Variants in LGI4 observed in about 807,000 individuals in gnomAD.
The protein encoded by LGI4 is leucine rich repeat LGI family member 4.
A neutral mutation model predicts 48.3 loss-of-function variants in LGI4; 36 were observed. The ratio of observed to expected loss-of-function variants is 0.75; its 90% CI spans 0.57 to 0.98. The LOEUF is 0.98. Ranked by LOEUF, LGI4 falls within the 50% of genes least tolerant of loss-of-function variation. The pLI is 0.00. For missense variants in LGI4, 701 were observed against 732.1 expected, an observed-to-expected ratio of 0.96 and a Z score of 0.49; for synonymous variants, 355 against 331.6, an observed-to-expected ratio of 1.07 and a Z score of -0.77.
intron 6 of LGI4, among the ~76,000 whole-genome samples, chr19:35,127,369 T>C (rs2065147589): frequency 1.3e-5 from 2 of 152,096 alleles, no homozygotes; most frequent in South Asian, 4.2e-4. Context: ...TTTGCAGAGA[T>C]GGAGTCTTGC....
chr19:35,128,443 T>C (rs1174897721), intron 6 of LGI4, among the ~76,000 whole-genome samples: 1 of 152,204 alleles, frequency 6.6e-6, no homozygotes, highest in Non-Finnish European at 1.5e-5. Context: ...GAGTGGTGGC[T>C]CACGCCTGTA....
At chr19:35,125,929 C>G in intron 8 of LGI4, 1 of 526,982 alleles carries the variant, frequency 1.9e-6, no homozygotes, top group East Asian at 3.8e-5. Flanking sequence ...GCCTGCACCT[C>G]ACTCCAGAAA....
chr19:35,132,130 G>C, intron 3 of LGI4, 88 bp from the exon 4 acceptor site: 1 of 1,099,332 alleles, frequency 9.1e-7, no homozygotes, highest in Non-Finnish European at 1.4e-6. Flanking sequence ...GGAAGGTGCT[G>C]AATTCTCTTC....
At position 35,131,800 on chromosome 19, in the gene LGI4, G is replaced by A. The variant is rs761896827; in HGVS notation, c.447C>T (p.Thr149=). The change falls in exon 5 of 9, where the codon ACC becomes ACT. Residue 149 remains threonine, a synonymous_variant. Coordinates refer to ENST00000310123, the MANE Select transcript of LGI4 (RefSeq NM_139284.3). ...CCCATGAGCCTCACACATGAGTAAGGGTGTCCAGGCCTCGGAACAGGAATC... is the reference window on the plus strand; with the variant it reads ...CCCATGAGCCTCACACATGAGTAAGAGTGTCCAGGCCTCGGAACAGGAATC... The part of the protein sequence containing the change: ...LPRFLFRGLD[T]LTHVDLRGNP... The A allele has an allele frequency of 6.4e-7, 1 of 1,564,224 alleles. No individual in the cohort carries two copies. The highest frequency in any genetic ancestry group is 1.2e-5 in the South Asian group (1 of 84,810).
chr19:35,132,671 T>A (rs879381088), intron 3 of LGI4, among the ~76,000 whole-genome samples: 13 of 151,974 alleles, frequency 8.6e-5, no homozygotes, highest in Non-Finnish European at 1.6e-4. Context: ...CCATCACCAA[T>A]ATCATCATTA....
chr19:35,125,788 C>T (rs1672976), intron 8 of LGI4: 233,483 of 637,048 alleles, frequency 0.37, 45,861 homozygotes, highest in South Asian at 0.56. Flanking sequence ...CCCCTCCTGA[C>T]TGGACCATCC....
At position 35,124,640 on chromosome 19, in the gene LGI4, G is replaced by A. The variant is rs2065116505; in HGVS notation, c.*553C>T. The A allele has an allele frequency of 6.6e-6, 1 of 152,352 alleles. No individual in the cohort carries two copies. The highest frequency in any genetic ancestry group is 1.5e-5 in the Non-Finnish European group (1 of 68,116). 9.4% of individuals were successfully genotyped at this position (152,352 alleles called of 1,614,324 possible). ...TCCCTGTGCCCCGGCGCACGCGCAA[G>A]AGGCGCAAAAGGCACAGCTTGCTGG... On this transcript the variant is annotated 3_prime_UTR_variant, in exon 9 of 9. Coordinates refer to ENST00000310123, the MANE Select transcript of LGI4 (RefSeq NM_139284.3).
In LGI4 at chr19:35,128,689, G is replaced by A. The variant is rs537603572; in HGVS notation, c.629-1672C>T. 9.2e-5 allele frequency among the ~76,000 whole-genome samples: 14 copies of A among 152,248 alleles called. No individual in the cohort carries two copies. The South Asian group carries it at 2.9e-3, about 32-fold the overall frequency. Reference sequence around the variant, plus strand: ...ATTGTACCACTGAACTCCAGCCTGGGCGACAGAGTGAGATCCTGTTTCAAA... The same window carrying A: ...ATTGTACCACTGAACTCCAGCCTGGACGACAGAGTGAGATCCTGTTTCAAA... On this transcript the variant is annotated intron_variant, in intron 6 of 8. Coordinates refer to ENST00000310123, the MANE Select transcript of LGI4 (RefSeq NM_139284.3).
At position 35,125,573 on chromosome 19, in the gene LGI4, G is replaced by A. The variant is rs541385508; in HGVS notation, c.1300-66C>T. 13 of 1,353,796 alleles carry A rather than the reference G, an allele frequency of 9.6e-6. No individual in the cohort carries two copies. The East Asian group carries it at 1.0e-4, about 10-fold the overall frequency. The allele number at this position is 1,353,796 out of a possible 1,614,324, so 83.9% of individuals were successfully genotyped here. On this transcript the variant is annotated intron_variant, in intron 8 of 8. Coordinates refer to ENST00000310123, the MANE Select transcript of LGI4 (RefSeq NM_139284.3). ...TCTCTGGGGGCCGTGGAACAGCTTG[G>A]AAGCAGAAGCCTGTCGGTCCCAAAA...
chr19:35,129,628 C>T (rs146642953), intron 6 of LGI4, among the ~76,000 whole-genome samples: 14 of 152,244 alleles, frequency 9.2e-5, no homozygotes, highest in Non-Finnish European at 1.9e-4. Flanking sequence ...CTCGATTAGC[C>T]GGGGACACAA....
intron 1 of LGI4, 113 bp from the exon 2 acceptor site, chr19:35,134,217 G>C: frequency 1.0e-6 from 1 of 988,388 alleles, no homozygotes; most frequent in Admixed American, 2.0e-5. Context: ...CCCTGGATGT[G>C]TCTCCCCTGC....
intron 6 of LGI4, among the ~76,000 whole-genome samples, chr19:35,129,690 C>T (rs2065162201): frequency 6.6e-6 from 1 of 152,146 alleles, no homozygotes; most frequent in Non-Finnish European, 1.5e-5. Flanking sequence ...TGGGTATTGT[C>T]CAAGGTTTCC....
chr19:35,134,634 A>ACCCCCCC lies in LGI4; in HGVS notation c.46_47insGGGGGGG (p.Val16GlyfsTer22). ...CTTTGGGGGTCTCCAGGCCACCACC[A>ACCCCCCC]CCCCCGCCCCAGCCAGCAGCAGCAG... On this transcript the variant is annotated frameshift_variant, in exon 1 of 9. Coordinates refer to ENST00000310123, the MANE Select transcript of LGI4 (RefSeq NM_139284.3). LOFTEE classifies it high-confidence loss of function. 1 of 1,446,828 alleles carries ACCCCCCC rather than the reference A, an allele frequency of 6.9e-7. No individual in the cohort carries two copies. The highest frequency in any genetic ancestry group is 9.3e-7 in the Non-Finnish European group (1 of 1,072,938). The allele number at this position is 1,446,828 out of a possible 1,614,324, so 89.6% of individuals were successfully genotyped here.
At chr19:35,132,442 C>G (rs1411514264) in intron 3 of LGI4, among the ~76,000 whole-genome samples, 1 of 151,778 alleles carries the variant, frequency 6.6e-6, no homozygotes, top group East Asian at 1.9e-4. Context: ...CCTGCCACCA[C>G]CATCACCACC....
At chr19:35,129,468 TA>T (rs1175509204) in intron 6 of LGI4, among the ~76,000 whole-genome samples, 1 of 152,168 alleles carries the variant, frequency 6.6e-6, no homozygotes, top group Non-Finnish European at 1.5e-5. Context: ...GAGATGCTGT[TA>T]ATTTATGAAC....
intron 3 of LGI4, among the ~76,000 whole-genome samples, chr19:35,132,672 A>G (rs1600476333): frequency 6.6e-6 from 1 of 152,122 alleles, no homozygotes; most frequent in South Asian, 2.1e-4. Context: ...CATCACCAAT[A>G]TCATCATTAC....
chr19:35,131,706 G>A (rs1173927264), intron 5 of LGI4, 83 bp downstream of exon 5: 76 of 1,404,120 alleles, frequency 5.4e-5, no homozygotes, highest in Non-Finnish European at 6.7e-5. Context: ...ATGCATGCAC[G>A]CCAACCAGAA....
In LGI4 at chr19:35,134,568, GC is replaced by G; in HGVS notation, c.112del (p.Ala38ProfsTer30). The G allele has an allele frequency of 6.3e-7, 1 of 1,584,996 alleles. No individual in the cohort carries two copies. The highest frequency in any genetic ancestry group is 8.6e-7 in the Non-Finnish European group (1 of 1,166,252). ...CAGGTCCGGGGAGCCCTCACACAGGGCGCTGTCTTTAGAGCAGGAGCAGCGC... is the reference window on the plus strand; with the variant it reads ...CAGGTCCGGGGAGCCCTCACACAGGGGCTGTCTTTAGAGCAGGAGCAGCGC... ...PLRCSCSKDSALCEGSPDLPV... is the reference protein window; with the variant it reads ...PLRCSCSKDSXLCEGSPDLPV... On this transcript the variant is annotated frameshift_variant, in exon 1 of 9. Transcript: ENST00000310123. LOFTEE classifies it high-confidence loss of function.
chr19:35,134,202 C>G, intron 1 of LGI4, 98 bp from the exon 2 acceptor site: 1 of 1,134,350 alleles, frequency 8.8e-7, no homozygotes. Flanking sequence ...AGCGTGCCAC[C>G]CTGACCCTGG....
Sources: gnomAD v4.1 joint callset for allele counts (sites outside exome capture counted in the v4.1 genomes callset) on GRCh38, gnomAD v4.1.1 for gene constraint, MANE v1.5 for transcripts, NCBI Gene and HGNC (gene_info 2026-07-23, HGNC 2026-07-21) for gene names.